Variants in AFF3 observed in about 807,000 individuals in gnomAD.
AFF3 encodes the protein AF4/FMR2 family member 3.
In AFF3, 32 loss-of-function variants were observed where a neutral mutation model predicts 129.7. The ratio of observed to expected loss-of-function variants is 0.25; its 90% CI spans 0.19 to 0.33. The LOEUF (loss-of-function observed/expected upper bound fraction) is 0.33. AFF3 is among the 10% of genes least tolerant of loss of function. The pLI is 1.00. For synonymous variants in AFF3, 644 were observed against 635.4 expected, an observed-to-expected ratio of 1.01 and a Z score of -0.20; for missense variants, 1,373 against 1,592.0, an observed-to-expected ratio of 0.86 and a Z score of 2.34.
intron 21 of AFF3, 49 bp from the exon 22 acceptor site, chr2:99,559,017 C>A: frequency 6.5e-7 from 1 of 1,538,676 alleles, no homozygotes; most frequent in South Asian, 1.1e-5. Context: ...GTGCGTCGTG[C>A]GCAAACAAGA....
chr2:100,075,476 C>T (rs1168297652), intron 4 of AFF3, among the ~76,000 whole-genome samples: 1 of 152,082 alleles, frequency 6.6e-6, no homozygotes, highest in Non-Finnish European at 1.5e-5. Context: ...TTTCTCAGAA[C>T]ATTCTATTAA....
intron 7 of AFF3, among the ~76,000 whole-genome samples, chr2:99,847,185 C>T (rs1346753157): frequency 6.6e-6 from 1 of 151,908 alleles, no homozygotes; most frequent in Non-Finnish European, 1.5e-5. Flanking sequence ...ATAGCATTTT[C>T]ATTCTTTTTG....
At chr2:100,104,833 G>GCCGC in intron 3 of AFF3, 8 of 487,168 alleles carry the variant, frequency 1.6e-5, no homozygotes, top group Non-Finnish European at 1.8e-5. Flanking sequence ...GCGGTGCTCT[G>GCCGC]CGCCCGCCCG....
chr2:99,575,414 A>ATTTTTTTTTTTTTTTTTTTTTTTT (rs540441950), intron 18 of AFF3, among the ~76,000 whole-genome samples: 3 of 127,472 alleles, frequency 2.4e-5, no homozygotes, highest in Non-Finnish European at 1.6e-5. Context: ...TGCCTGGCTA[A>ATTTTTTTTTTTTTTTTTTTTTTTT]TTTTTTTTTT....
intron 9 of AFF3, among the ~76,000 whole-genome samples, chr2:99,750,522 C>T (rs1328262559): frequency 6.6e-6 from 1 of 150,862 alleles, no homozygotes; most frequent in African/African-American, 2.4e-5. Context: ...TTAAGTGATC[C>T]TCCTGCTACC....
At chr2:99,902,291 A>G (rs911891875) in intron 7 of AFF3, among the ~76,000 whole-genome samples, 4 of 152,138 alleles carry the variant, frequency 2.6e-5, no homozygotes, top group African/African-American at 9.7e-5. Context: ...TACATATACA[A>G]TGAAGGAAAT....
At chr2:99,747,321 C>A (rs112427142) in intron 9 of AFF3, among the ~76,000 whole-genome samples, 46 of 151,916 alleles carry the variant, frequency 3.0e-4, no homozygotes, top group African/African-American at 1.1e-3. Context: ...TGAGCCACTG[C>A]GCCCGGCCTA....
At chr2:99,564,107 C>T (rs1675756280) in intron 20 of AFF3, among the ~76,000 whole-genome samples, 1 of 152,176 alleles carries the variant, frequency 6.6e-6, no homozygotes, top group African/African-American at 2.4e-5. Context: ...TCACAGCAGG[C>T]CCTATGGCTT....
At chr2:99,942,442 G>A (rs1477210174) in intron 7 of AFF3, among the ~76,000 whole-genome samples, 1 of 150,732 alleles carries the variant, frequency 6.6e-6, no homozygotes, top group Non-Finnish European at 1.5e-5. Flanking sequence ...AGGATGATGT[G>A]CTAGTGAGTG....
chr2:99,635,471 G>T (rs568083882), intron 13 of AFF3, among the ~76,000 whole-genome samples: 1 of 152,112 alleles, frequency 6.6e-6, no homozygotes, highest in Admixed American at 6.5e-5. Flanking sequence ...TTGTGTGTGT[G>T]TGTGTGTTTC....
chr2:99,967,717 A>T (rs1216257102), intron 7 of AFF3, among the ~76,000 whole-genome samples: 1 of 152,246 alleles, frequency 6.6e-6, no homozygotes, highest in Non-Finnish European at 1.5e-5. Context: ...AAGCCATTTC[A>T]GGCACCTCAC....
intron 1 of AFF3, among the ~76,000 whole-genome samples, chr2:100,130,471 A>T (rs1483734955): frequency 1.3e-5 from 2 of 152,226 alleles, no homozygotes; most frequent in Non-Finnish European, 2.9e-5. Flanking sequence ...ATTAGAAAAC[A>T]GATTTCCCTT....
chr2:99,754,622 A>AC (rs2105223018), intron 8 of AFF3, among the ~76,000 whole-genome samples: 1 of 152,364 alleles, frequency 6.6e-6, no homozygotes, highest in South Asian at 2.1e-4. Context: ...GAGTAACAGT[A>AC]CTTTCAAAAG....
intron 4 of AFF3, among the ~76,000 whole-genome samples, chr2:100,024,092 C>T (rs557169976): frequency 6.6e-6 from 1 of 151,712 alleles, no homozygotes; most frequent in South Asian, 2.1e-4. Flanking sequence ...ATTAGCCGGG[C>T]GTGGTGGCGG....
At chr2:99,641,744 G>C (rs1260151678) in intron 13 of AFF3, among the ~76,000 whole-genome samples, 1 of 152,070 alleles carries the variant, frequency 6.6e-6, no homozygotes, top group Non-Finnish European at 1.5e-5. Flanking sequence ...TCTCTTTAAG[G>C]CCCTCACATT....
At chr2:99,846,751 T>C (rs1166136965) in intron 7 of AFF3, among the ~76,000 whole-genome samples, 2 of 152,244 alleles carry the variant, frequency 1.3e-5, no homozygotes, top group Non-Finnish European at 2.9e-5. Flanking sequence ...CGATATTCTA[T>C]TTGGCACATT....
intron 7 of AFF3, among the ~76,000 whole-genome samples, chr2:99,899,961 G>C (rs1181916582): frequency 6.6e-6 from 1 of 152,102 alleles, no homozygotes; most frequent in Non-Finnish European, 1.5e-5. Context: ...TGGCTTTTTA[G>C]GGCTTTATTG....
chr2:99,646,557 T>A (rs1684712493), intron 13 of AFF3, among the ~76,000 whole-genome samples: 1 of 152,156 alleles, frequency 6.6e-6, no homozygotes, highest in Non-Finnish European at 1.5e-5. Context: ...GTATAATAGG[T>A]TAATACCAGG....
intron 4 of AFF3, among the ~76,000 whole-genome samples, chr2:100,075,325 T>C (rs1688503482): frequency 1.3e-5 from 2 of 152,120 alleles, no homozygotes; most frequent in Non-Finnish European, 2.9e-5. Flanking sequence ...AAAGACGTCT[T>C]CAAGAACCAC....
Sources: gnomAD v4.1 joint callset for allele counts (sites outside exome capture counted in the v4.1 genomes callset) on GRCh38, gnomAD v4.1.1 for gene constraint, MANE v1.5 for transcripts, NCBI Gene and HGNC (gene_info 2026-07-23, HGNC 2026-07-21) for gene names.